The following MRPS9 variants were observed in gnomAD, a reference collection of about 807,000 sequenced individuals.
The protein encoded by MRPS9 is mitochondrial ribosomal protein S9.
A neutral mutation model predicts 59.9 loss-of-function variants in MRPS9; 45 were observed. The ratio of observed to expected loss-of-function variants is 0.75; its 90% CI spans 0.59 to 0.96. The LOEUF is 0.96. Among genes scored for constraint, MRPS9 ranks in the 40% least tolerant of loss-of-function variants. The probability of loss-of-function intolerance (pLI) is 0.00; values close to 1 mark genes in which losing one functional copy is unlikely to be tolerated. For missense variants in MRPS9, 473 were observed against 481.1 expected, an observed-to-expected ratio of 0.98 and a Z score of 0.16; for synonymous variants, 171 against 166.8, an observed-to-expected ratio of 1.03 and a Z score of -0.19.
chr2:105,062,783 C>T (rs1188287041), intron 2 of MRPS9, among the ~76,000 whole-genome samples: 1 of 152,098 alleles, frequency 6.6e-6, no homozygotes, highest in Non-Finnish European at 1.5e-5. Context: ...TGTCAGTGAG[C>T]GTAGTAGCCA....
At chr2:105,038,652 G>A (rs1263994508) in intron 1 of MRPS9, among the ~76,000 whole-genome samples, 1 of 151,770 alleles carries the variant, frequency 6.6e-6, no homozygotes, top group Non-Finnish European at 1.5e-5. Context: ...TTGTGTAGAG[G>A]ACAGTGACTT....
At chr2:105,059,527 C>A (rs543370395) in intron 2 of MRPS9, among the ~76,000 whole-genome samples, 2 of 151,912 alleles carry the variant, frequency 1.3e-5, no homozygotes, top group Non-Finnish European at 2.9e-5. Context: ...ATGGAAAAAC[C>A]ATTAACTGAG....
In MRPS9 at chr2:105,038,128, T is replaced by A; in HGVS notation, c.36T>A (p.Val12=). The part of the protein sequence containing the change: ...AAPCVSYGGA[V]SYRLLLWGRG... ...CCTGTGTGTCCTACGGCGGAGCAGTTTCGTACCGGCTTCTTCTCTGGGGTA... is the reference window on the plus strand; with the variant it reads ...CCTGTGTGTCCTACGGCGGAGCAGTATCGTACCGGCTTCTTCTCTGGGGTA... Residue 12 remains valine, a synonymous_variant, in exon 1 of 11, where the codon GTT becomes GTA. Transcript: ENST00000258455. 2 of 1,613,902 alleles carry A rather than the reference T, an allele frequency of 1.2e-6. No individual in the cohort carries two copies. The highest frequency in any genetic ancestry group is 1.7e-6 in the Non-Finnish European group (2 of 1,179,972).
chr2:105,086,874 G>A (rs979113266), intron 5 of MRPS9, among the ~76,000 whole-genome samples: 1 of 152,162 alleles, frequency 6.6e-6, no homozygotes, highest in African/African-American at 2.4e-5. Flanking sequence ...GCAGTGGCAT[G>A]CTGTTTGCCT....
chr2:105,038,279 G>A lies in MRPS9; in HGVS notation c.135+52G>A, dbSNP rs753234291. The A allele has an allele frequency of 7.6e-6, 12 of 1,577,128 alleles. No homozygotes were observed. In the East Asian group the frequency reaches 2.3e-4, roughly 31 times the overall value. ...CTTACCTCTGCCGCGCGAGGATGTG[G>A]AGCCAGCGCGGACACCTTCCCCCAG... is the stretch of plus-strand genomic sequence containing the variant. On this transcript the variant is annotated intron_variant, in intron 1 of 10. Coordinates refer to ENST00000258455, the MANE Select transcript of MRPS9 (RefSeq NM_182640.3).
intron 1 of MRPS9, among the ~76,000 whole-genome samples, chr2:105,047,045 G>A (rs1679606812): frequency 6.6e-6 from 1 of 151,986 alleles, no homozygotes; most frequent in Non-Finnish European, 1.5e-5. Flanking sequence ...GAACCACTAT[G>A]GTAGGGAGTT....
Position 105,089,033 on chromosome 2 carries a change from A to C in MRPS9, c.539A>C (p.Gln180Pro). Residue 180 changes from glutamine (Q) to proline (P), a missense_variant, in exon 6 of 11, where the codon CAA (glutamine) becomes CCA (proline). Gln to Pro is a moderately conservative substitution (Grantham distance 76). Transcript: ENST00000258455. ...LNLEKHQSHL[Q>P]AKSLLPEKTV... ...TTAGAAAAACATCAAAGTCACTTGC[A>C]AGCCAAAAGTCTGCTCCCAGAAAAA... 6.2e-7 allele frequency: 1 copy of C among 1,611,792 alleles called. No homozygotes were observed. Among genetic ancestry groups the C allele is most frequent in the Non-Finnish European group, 8.5e-7 (1 of 1,178,582 alleles).
At chr2:105,087,417 G>A (rs1161096805) in intron 5 of MRPS9, among the ~76,000 whole-genome samples, 3 of 152,126 alleles carry the variant, frequency 2.0e-5, no homozygotes, top group Non-Finnish European at 4.4e-5. Flanking sequence ...AGGCTTGGAT[G>A]CTGCTGCTGC....
intron 9 of MRPS9, 134 bp downstream of exon 9, chr2:105,093,772 C>A: frequency 2.1e-6 from 1 of 482,802 alleles, no homozygotes; most frequent in Non-Finnish European, 3.7e-6. Context: ...TGTAACATAT[C>A]AAACTAGCTA....
chr2:105,079,299 A>G (rs543035112), intron 4 of MRPS9, among the ~76,000 whole-genome samples: 2 of 126,660 alleles, frequency 1.6e-5, no homozygotes, highest in African/African-American at 3.1e-5. Context: ...CGCAAAGGAC[A>G]CAGAGTTAGC....
chr2:105,048,344 G>T (rs1312440920), intron 1 of MRPS9, among the ~76,000 whole-genome samples: 1 of 151,704 alleles, frequency 6.6e-6, no homozygotes, highest in African/African-American at 2.4e-5. Context: ...ACACTCTGGG[G>T]ACTGTTGTGG....
intron 7 of MRPS9, among the ~76,000 whole-genome samples, chr2:105,091,723 A>T (rs1680563194): frequency 6.6e-6 from 1 of 152,170 alleles, no homozygotes; most frequent in Non-Finnish European, 1.5e-5. Context: ...CTTTAGAGTG[A>T]TTATTCTGGC....
At chr2:105,062,135 T>TACACAC (rs147854140) in intron 2 of MRPS9, among the ~76,000 whole-genome samples, 2 of 151,350 alleles carry the variant, frequency 1.3e-5, no homozygotes, top group African/African-American at 4.8e-5. Flanking sequence ...ACACTTCTGT[T>TACACAC]ACACACACAC....
chr2:105,063,055 CAAAAGAG>C (rs1197504587), intron 2 of MRPS9, among the ~76,000 whole-genome samples: 1 of 152,124 alleles, frequency 6.6e-6, no homozygotes, highest in East Asian at 1.9e-4. Flanking sequence ...AAAAATACTA[CAAAAGAG>C]AAAATAGAAA....
At position 105,086,007 on chromosome 2, in the gene MRPS9, C is replaced by G. The variant is rs116692840; in HGVS notation, c.490-2977C>G. On this transcript the variant is annotated intron_variant, in intron 5 of 10. Transcript: ENST00000258455. ...GCTATAGAATCTACTTTCCAGAGAA[C>G]TGTTGTCTCTAACTAACCAAGGTAG... 3.3e-3 allele frequency among the ~76,000 whole-genome samples: 495 copies of G among 152,222 alleles called. 3 individuals carry two copies. The highest frequency in any genetic ancestry group is 0.011 in the African/African-American group (470 of 41,548).
chr2:105,082,171 C>A (rs1161486178), intron 5 of MRPS9, among the ~76,000 whole-genome samples: 1 of 152,154 alleles, frequency 6.6e-6, no homozygotes, highest in Non-Finnish European at 1.5e-5. Context: ...CGGGAGGTCG[C>A]CCCTGAAGAC....
intron 2 of MRPS9, among the ~76,000 whole-genome samples, chr2:105,060,352 G>A (rs939180330): frequency 2.6e-5 from 4 of 152,168 alleles, no homozygotes; most frequent in African/African-American, 9.7e-5. Flanking sequence ...TGCAATCTCA[G>A]CTCACTGCAG....
chr2:105,062,410 GGAATC>G (rs1679923730), intron 2 of MRPS9, among the ~76,000 whole-genome samples: 1 of 152,170 alleles, frequency 6.6e-6, no homozygotes, highest in African/African-American at 2.4e-5. Flanking sequence ...AAGCCCTCAA[GGAATC>G]GAGTCATAGA....
intron 7 of MRPS9, 114 bp from the exon 8 acceptor site, chr2:105,092,287 T>C: frequency 1.1e-6 from 1 of 894,884 alleles, no homozygotes; most frequent in Non-Finnish European, 1.6e-6. Flanking sequence ...AGTGTCATCC[T>C]GTCAAAATTC....
Sources: allele counts gnomAD v4.1 joint callset (sites outside exome capture counted in the v4.1 genomes callset), GRCh38; gene constraint gnomAD v4.1.1; transcripts MANE v1.5; gene names NCBI Gene and HGNC (gene_info 2026-07-23, HGNC 2026-07-21).